The following PTPRK variants were observed in gnomAD, a reference collection of about 807,000 sequenced individuals.
PTPRK encodes the protein receptor-type tyrosine-protein phosphatase kappa.
Under a neutral mutation model 178.0 loss-of-function variants are expected in PTPRK, and 75 were observed. The ratio of observed to expected loss-of-function variants is 0.42; its 90% CI spans 0.35 to 0.51. The LOEUF is 0.51. Among genes scored for constraint, PTPRK ranks in the 20% least tolerant of loss-of-function variants. The pLI, the probability that PTPRK is intolerant of heterozygous loss-of-function variation, is 0.02. For missense variants in PTPRK, 1,441 were observed against 1,797.8 expected (o/e 0.80, Z 3.59); for synonymous variants, 637 against 620.6 (o/e 1.03, Z -0.39).
intron 7 of PTPRK, among the ~76,000 whole-genome samples, chr6:128,105,496 T>G (rs1322633533): frequency 2.6e-5 from 4 of 152,174 alleles, no homozygotes; most frequent in Admixed American, 1.3e-4. Flanking sequence ...TATATTAACT[T>G]TAAACAATTT....
At chr6:128,101,741 T>C (rs1268419406) in intron 7 of PTPRK, among the ~76,000 whole-genome samples, 2 of 152,112 alleles carry the variant, frequency 1.3e-5, no homozygotes, top group African/African-American at 4.8e-5. Flanking sequence ...ATCTCATGTA[T>C]TCTCCCAATG....
chr6:128,110,691 G>A (rs139292119), intron 7 of PTPRK, among the ~76,000 whole-genome samples: 1 of 152,196 alleles, frequency 6.6e-6, no homozygotes, highest in Non-Finnish European at 1.5e-5. Flanking sequence ...AGTACTGTCT[G>A]AGCTTGATTC....
At chr6:128,446,721 C>G (rs1847079477) in intron 1 of PTPRK, among the ~76,000 whole-genome samples, 1 of 152,126 alleles carries the variant, frequency 6.6e-6, no homozygotes, top group Non-Finnish European at 1.5e-5. Context: ...TTGAAATTAG[C>G]AATGCTTCAA....
chr6:128,052,032 C>A (rs73582692), intron 13 of PTPRK, among the ~76,000 whole-genome samples: 5,366 of 152,210 alleles, frequency 0.035, 322 homozygotes, highest in African/African-American at 0.12. Flanking sequence ...TTAACTTGTA[C>A]TCCACCATCA....
At chr6:128,273,560 C>T (rs1464943996) in intron 3 of PTPRK, among the ~76,000 whole-genome samples, 1 of 152,040 alleles carries the variant, frequency 6.6e-6, no homozygotes, top group African/African-American at 2.4e-5. Flanking sequence ...CATTATGAAC[C>T]CGAATCTCCA....
chr6:128,271,554 T>G (rs1819825970), intron 3 of PTPRK, among the ~76,000 whole-genome samples: 1 of 152,106 alleles, frequency 6.6e-6, no homozygotes. Flanking sequence ...GAAGCAGCTA[T>G]TAAGTACTCA....
chr6:128,037,532 C>T (rs544501968), intron 13 of PTPRK, among the ~76,000 whole-genome samples: 120 of 152,274 alleles, frequency 7.9e-4, no homozygotes, highest in African/African-American at 2.8e-3. Flanking sequence ...AAAATCAGAT[C>T]TGGAGTTTAT....
Position 128,317,209 on chromosome 6 carries a change from C to T in PTPRK, c.495+4830G>A, listed in dbSNP as rs1828125016. ...AGACAAAAAATGGGAAATAATATTGCTCCACCACTACGTAAGCACAACTTC... is the reference window on the plus strand; with the variant it reads ...AGACAAAAAATGGGAAATAATATTGTTCCACCACTACGTAAGCACAACTTC... On this transcript the variant is annotated intron_variant, in intron 3 of 29. Transcript: ENST00000368226. 2.0e-5 allele frequency among the ~76,000 whole-genome samples: 3 copies of T among 152,106 alleles called. No homozygotes were observed. The South Asian group carries it at 6.2e-4, about 32-fold the overall frequency.
chr6:128,259,765 G>A (rs944408721), intron 3 of PTPRK, among the ~76,000 whole-genome samples: 1 of 152,066 alleles, frequency 6.6e-6, no homozygotes, highest in Admixed American at 6.6e-5. Flanking sequence ...AAAATTCTAA[G>A]TATACTACCT....
At chr6:128,416,741 G>A (rs1241564036) in intron 1 of PTPRK, among the ~76,000 whole-genome samples, 1 of 151,148 alleles carries the variant, frequency 6.6e-6, no homozygotes, top group African/African-American at 2.4e-5. Flanking sequence ...GCCTTGTAAT[G>A]AGGTACATCA....
chr6:128,405,565 T>C (rs1175562209), intron 1 of PTPRK, among the ~76,000 whole-genome samples: 1 of 152,178 alleles, frequency 6.6e-6, no homozygotes, highest in Non-Finnish European at 1.5e-5. Context: ...ACTGAAGCCA[T>C]ATTTACATTT....
At chr6:128,314,830 C>A (rs963074048) in intron 3 of PTPRK, among the ~76,000 whole-genome samples, 5 of 150,934 alleles carry the variant, frequency 3.3e-5, no homozygotes, top group African/African-American at 1.2e-4. Context: ...CTTTTTTCTC[C>A]ACCACTATTT....
intron 7 of PTPRK, among the ~76,000 whole-genome samples, chr6:128,125,597 C>CTTTTTTTT (rs1562629730): frequency 1.2e-5 from 1 of 82,146 alleles, no homozygotes; most frequent in African/African-American, 5.3e-5. Flanking sequence ...TGCCTTTGGG[C>CTTTTTTTT]TTTTCTTTTT....
chr6:128,190,563 A>T (rs907223679), intron 6 of PTPRK, among the ~76,000 whole-genome samples: 1 of 118,540 alleles, frequency 8.4e-6, no homozygotes, highest in African/African-American at 3.3e-5. Flanking sequence ...CAGTGGTGTG[A>T]TCTTGGCTCA....
At chr6:128,450,136 GGAAAA>G (rs1847595174) in intron 1 of PTPRK, among the ~76,000 whole-genome samples, 1 of 149,932 alleles carries the variant, frequency 6.7e-6, no homozygotes, top group African/African-American at 2.4e-5. Flanking sequence ...AAAAAAAGAA[GGAAAA>G]GAAAAGAAAA....
At chr6:128,173,737 C>T (rs1430186491) in intron 7 of PTPRK, among the ~76,000 whole-genome samples, 1 of 151,936 alleles carries the variant, frequency 6.6e-6, no homozygotes, top group Non-Finnish European at 1.5e-5. Flanking sequence ...TCTTTCAACA[C>T]CTGTCTCCTC....
intron 2 of PTPRK, among the ~76,000 whole-genome samples, chr6:128,329,710 C>T (rs1008426754): frequency 6.6e-6 from 1 of 151,710 alleles, no homozygotes; most frequent in Non-Finnish European, 1.5e-5. Flanking sequence ...TGGATGAGGC[C>T]CACCCACAGT....
At chr6:128,441,465 G>C (rs1038395346) in intron 1 of PTPRK, among the ~76,000 whole-genome samples, 2 of 151,876 alleles carry the variant, frequency 1.3e-5, no homozygotes, top group Admixed American at 6.6e-5. Flanking sequence ...AAAAAACAAA[G>C]ATTAGAAAAT....
At chr6:128,462,239 T>G (rs1195933056) in intron 1 of PTPRK, among the ~76,000 whole-genome samples, 4 of 152,156 alleles carry the variant, frequency 2.6e-5, no homozygotes, top group African/African-American at 9.7e-5. Flanking sequence ...AATAAAAGAC[T>G]CTAGAGCAGC....
Sources: allele counts gnomAD v4.1 joint callset (sites outside exome capture counted in the v4.1 genomes callset), GRCh38; gene constraint gnomAD v4.1.1; transcripts MANE v1.5; gene names NCBI Gene and HGNC (gene_info 2026-07-23, HGNC 2026-07-21).